Variants in ATG7 observed in about 807,000 individuals in gnomAD.
ATG7 encodes the protein autophagy related 7, also known as ubiquitin-like modifier-activating enzyme ATG7.
ATG7 carries 70 observed loss-of-function variants against 82.4 expected under a neutral mutation model. That is an observed-to-expected ratio of 0.85 (90% CI 0.70 to 1.04). The LOEUF is 1.04. Among genes scored for constraint, ATG7 ranks in the 50% least tolerant of loss-of-function variants. The pLI, the probability that ATG7 is intolerant of heterozygous loss-of-function variation, is 0.00. For missense variants in ATG7, 792 were observed against 864.3 expected (o/e 0.92, Z 1.05); for synonymous variants, 287 against 313.0 (o/e 0.92, Z 0.88).
intron 9 of ATG7, among the ~76,000 whole-genome samples, chr3:11,320,791 A>G (rs1950114610): frequency 1.3e-5 from 2 of 152,236 alleles, no homozygotes; most frequent in South Asian, 4.1e-4. Flanking sequence ...GCTCATGGGA[A>G]GCACCTGGGT....
At chr3:11,341,283 A>G (rs1953566587) in intron 12 of ATG7, among the ~76,000 whole-genome samples, 1 of 151,900 alleles carries the variant, frequency 6.6e-6, no homozygotes, top group Non-Finnish European at 1.5e-5. Context: ...GCTGGACTCG[A>G]ACTCCTGACC....
intron 20 of ATG7, among the ~76,000 whole-genome samples, chr3:11,483,837 G>A (rs2089305098): frequency 6.6e-6 from 1 of 152,142 alleles, no homozygotes; most frequent in African/African-American, 2.4e-5. Context: ...CATCTTATTG[G>A]CACAATGTTT....
intron 18 of ATG7, among the ~76,000 whole-genome samples, 179 bp downstream of exon 18, chr3:11,364,913 T>A (rs1332711489): frequency 2.0e-5 from 3 of 152,142 alleles, no homozygotes. Flanking sequence ...GGGATAGTGA[T>A]GGGAGGAAAT....
Position 11,315,637 on chromosome 3 carries a change from T to A in ATG7, c.678+144T>A, listed in dbSNP as rs566394178. The A allele has an allele frequency of 7.4e-5, 53 of 717,612 alleles. No individual in the cohort carries two copies. In the South Asian group the frequency reaches 1.2e-3, roughly 17 times the overall value. The allele number at this position is 717,612 out of a possible 1,614,324, so 44.5% of individuals were successfully genotyped here. A position where few individuals can be genotyped will look rare whatever the true frequency, so the allele number is the denominator to read the frequency against. ...GTTTAAGAACATTTCCTTATCTCTA[T>A]CCTCTCCCACCCCTACAGTTATCGA... On this transcript the variant is annotated intron_variant, in intron 9 of 20. Coordinates refer to ENST00000693202, the MANE Select transcript of ATG7 (RefSeq NM_001349232.2).
intron 20 of ATG7, among the ~76,000 whole-genome samples, chr3:11,454,431 C>T (rs2085497996): frequency 6.6e-6 from 1 of 152,192 alleles, no homozygotes; most frequent in Non-Finnish European, 1.5e-5. Context: ...AATTTGACGG[C>T]ATGAGTCTGG....
chr3:11,358,269 A>G, intron 14 of ATG7, 149 bp from the exon 15 acceptor site: 1 of 758,086 alleles, frequency 1.3e-6, no homozygotes, highest in South Asian at 1.8e-5. Flanking sequence ...AAGAAGAGAG[A>G]GGGCGTGGGA....
chr3:11,282,168 A>G (rs1335897118), intron 2 of ATG7, 25 bp from the exon 3 acceptor site: 2 of 152,226 alleles, frequency 1.3e-5, no homozygotes, highest in Non-Finnish European at 2.9e-5. Context: ...ACATTTTCTC[A>G]GCTGTCACTG....
chr3:11,396,793 A>AAAAG (rs561688388), intron 19 of ATG7, among the ~76,000 whole-genome samples: 101 of 143,718 alleles, frequency 7.0e-4, no homozygotes, highest in South Asian at 3.0e-3. Context: ...AAAAAAAAAA[A>AAAAG]AAAAGAAAAG....
At chr3:11,329,651 T>A (rs1016984816) in intron 9 of ATG7, among the ~76,000 whole-genome samples, 1 of 152,224 alleles carries the variant, frequency 6.6e-6, no homozygotes, top group African/African-American at 2.4e-5. Flanking sequence ...TAAAATAAAC[T>A]TTTTATTTTG....
Position 11,277,030 on chromosome 3 carries a change from T to C in ATG7, c.-365-3964T>C, listed in dbSNP as rs528230589. ...GAACCCTGAGAGTCATCTCAGACTC[T>C]TCCTCTGGTACTAGCCCTCCTTTCC... On this transcript the variant is annotated intron_variant, in intron 1 of 20. Transcript: ENST00000693202. Among the ~76,000 whole-genome samples the C allele has an allele frequency of 2.6e-5, 4 of 152,350 alleles. No homozygotes were observed. The East Asian group carries it at 7.7e-4, about 29-fold the overall frequency.
intron 1 of ATG7, among the ~76,000 whole-genome samples, chr3:11,279,566 C>T (rs1006094586): frequency 6.6e-6 from 1 of 152,106 alleles, no homozygotes; most frequent in Non-Finnish European, 1.5e-5. Flanking sequence ...TGCCTGTAAT[C>T]CCAGCTACTC....
intron 20 of ATG7, among the ~76,000 whole-genome samples, chr3:11,455,481 C>T (rs1287696906): frequency 6.6e-6 from 1 of 152,180 alleles, no homozygotes; most frequent in East Asian, 1.9e-4. Context: ...GCATCTGAGC[C>T]TATTCTGGCC....
intron 9 of ATG7, among the ~76,000 whole-genome samples, chr3:11,319,090 G>A (rs1949857198): frequency 6.6e-6 from 1 of 152,240 alleles, no homozygotes; most frequent in African/African-American, 2.4e-5. Context: ...AGAGACACAT[G>A]ATGTGAGAAT....
intron 18 of ATG7, among the ~76,000 whole-genome samples, chr3:11,375,070 C>T (rs909340175): frequency 2.0e-5 from 3 of 150,656 alleles, no homozygotes; most frequent in Non-Finnish European, 4.4e-5. Context: ...AAAGAATTAG[C>T]TGAGTGTGGT....
At chr3:11,546,122 T>TGAG (rs2071265397) in intron 20 of ATG7, among the ~76,000 whole-genome samples, 1 of 148,540 alleles carries the variant, frequency 6.7e-6, no homozygotes, top group Non-Finnish European at 1.5e-5. Context: ...GGTGACAGAG[T>TGAG]GAGGCCCTGT....
downstream of ATG7, chr3:11,559,205 G>A (rs1229929209): frequency 9.2e-6 from 13 of 1,413,196 alleles, no homozygotes; most frequent in Non-Finnish European, 1.2e-5. Context: ...ACGTGCTCAA[G>A]AAATACTTTT....
In ATG7 at chr3:11,394,666, G is replaced by A. The variant is rs796366641; in HGVS notation, c.1956+14614G>A. On this transcript the variant is annotated intron_variant, in intron 19 of 20. Transcript: ENST00000693202. ...TCAAGAGATACACCTAGGAGTAAGG[G>A]TGAAGTGGGTGTAAACCATCCCTCA... Among the ~76,000 whole-genome samples the A allele has an allele frequency of 6.6e-5, 10 of 152,314 alleles. 1 individual carries two copies. The highest frequency in any genetic ancestry group is 2.4e-4 in the African/African-American group (10 of 41,566).
At chr3:11,322,032 C>T (rs1322762172) in intron 9 of ATG7, among the ~76,000 whole-genome samples, 2 of 152,128 alleles carry the variant, frequency 1.3e-5, no homozygotes, top group African/African-American at 4.8e-5. Context: ...AAAGTTTTAC[C>T]AGTTCACTGA....
chr3:11,460,272 A>T (rs1031272756), intron 20 of ATG7, among the ~76,000 whole-genome samples: 1 of 152,188 alleles, frequency 6.6e-6, no homozygotes, highest in African/African-American at 2.4e-5. Context: ...AGGAGCATAC[A>T]TAGGCCATGT....
Sources: gnomAD v4.1 joint callset for allele counts (sites outside exome capture counted in the v4.1 genomes callset) on GRCh38, gnomAD v4.1.1 for gene constraint, MANE v1.5 for transcripts, NCBI Gene and HGNC (gene_info 2026-07-23, HGNC 2026-07-21) for gene names.